The following KAZN variants were observed in gnomAD, a reference collection of about 807,000 sequenced individuals.
The protein encoded by KAZN is kazrin.
Under a neutral mutation model 87.4 loss-of-function variants are expected in KAZN, and 40 were observed. The observed-to-expected ratio is 0.46, with a 90% CI of 0.36 to 0.60. The LOEUF (loss-of-function observed/expected upper bound fraction) is 0.60, where lower values mean the gene tolerates loss of function less well. Ranked by LOEUF, KAZN falls within the 20% of genes least tolerant of loss-of-function variation. The pLI is 0.00. For synonymous variants in KAZN, 466 were observed against 458.3 expected (o/e 1.02, Z -0.22); for missense variants, 898 against 1,073.9 (o/e 0.84, Z 2.29).
chr1:14,450,581 C>T (rs1667217618), intron 2 of KAZN, among the ~76,000 whole-genome samples: 1 of 152,094 alleles, frequency 6.6e-6, no homozygotes, highest in South Asian at 2.1e-4. Context: ...CAGAACAAGA[C>T]TCCACCTCAA....
chr1:14,500,766 A>G (rs554212577), intron 2 of KAZN, among the ~76,000 whole-genome samples: 1 of 152,292 alleles, frequency 6.6e-6, no homozygotes, highest in South Asian at 2.1e-4. Context: ...TACCTACCTC[A>G]TAAAATAAAA....
intron 1 of KAZN, among the ~76,000 whole-genome samples, chr1:13,931,700 G>A (rs779105971): frequency 3.3e-5 from 5 of 151,978 alleles, no homozygotes; most frequent in Non-Finnish European, 7.4e-5. Context: ...TGTGTATTTG[G>A]CCCCTAGTAT....
intron 1 of KAZN, among the ~76,000 whole-genome samples, chr1:14,097,613 G>T (rs1231924197): frequency 2.6e-5 from 4 of 151,962 alleles, no homozygotes; most frequent in Admixed American, 1.3e-4. Context: ...TATGTGAGGG[G>T]TGTGTGTGTG....
intron 1 of KAZN, among the ~76,000 whole-genome samples, chr1:14,659,439 T>C (rs950750485): frequency 1.3e-5 from 2 of 151,960 alleles, no homozygotes; most frequent in African/African-American, 4.8e-5. Flanking sequence ...ATTGGGAAGA[T>C]AAGGGAATAA....
intron 2 of KAZN, among the ~76,000 whole-genome samples, chr1:14,393,383 A>G (rs1662620525): frequency 6.6e-6 from 1 of 152,234 alleles, no homozygotes; most frequent in African/African-American, 2.4e-5. Flanking sequence ...AGCAAGAATA[A>G]AAGCATAAAA....
intron 2 of KAZN, among the ~76,000 whole-genome samples, chr1:14,500,238 G>A (rs987449298): frequency 6.6e-6 from 1 of 152,124 alleles, no homozygotes; most frequent in Non-Finnish European, 1.5e-5. Context: ...TCCCCTGGGA[G>A]AGTCATATCC....
intron 1 of KAZN, among the ~76,000 whole-genome samples, chr1:14,912,950 T>C (rs1247953421): frequency 6.6e-6 from 1 of 152,172 alleles, no homozygotes; most frequent in Non-Finnish European, 1.5e-5. Context: ...AACGAGCCAA[T>C]GCCAGTCATA....
intron 2 of KAZN, among the ~76,000 whole-genome samples, chr1:14,399,039 G>C (rs1233602463): frequency 6.6e-6 from 1 of 152,070 alleles, no homozygotes; most frequent in African/African-American, 2.4e-5. Context: ...GATTTTGTTT[G>C]TTTTGAGACA....
intron 1 of KAZN, among the ~76,000 whole-genome samples, chr1:14,860,465 T>C (rs1650707714): frequency 6.6e-6 from 1 of 152,172 alleles, no homozygotes; most frequent in African/African-American, 2.4e-5. Flanking sequence ...CTGCTGGGAT[T>C]ATTACAGGCA....
At chr1:14,411,369 A>T (rs555900545) in intron 2 of KAZN, among the ~76,000 whole-genome samples, 124 of 152,354 alleles carry the variant, frequency 8.1e-4, no homozygotes, top group Non-Finnish European at 1.1e-3. Flanking sequence ...ATCACAGCTC[A>T]GTGTAACCTC....
intron 2 of KAZN, among the ~76,000 whole-genome samples, chr1:14,388,049 A>G (rs994506203): frequency 6.6e-6 from 1 of 152,240 alleles, no homozygotes; most frequent in African/African-American, 2.4e-5. Flanking sequence ...GGAAAAGCGC[A>G]GTATTCGGGT....
intron 1 of KAZN, among the ~76,000 whole-genome samples, chr1:14,883,352 A>AGGG (rs1653612274): frequency 6.4e-5 from 2 of 31,026 alleles, no homozygotes; most frequent in Admixed American, 4.5e-4. Context: ...GAAAGAAAGA[A>AGGG]AGAAAAGAAA....
At chr1:15,092,060 G>GTTTTTTTTTTTGTTTTTTTTTT (rs1640562777) in intron 8 of KAZN, among the ~76,000 whole-genome samples, 1 of 114,448 alleles carries the variant, frequency 8.7e-6, no homozygotes, top group African/African-American at 3.3e-5. Flanking sequence ...TTGTTTTTTT[G>GTTTTTTTTTTTGTTTTTTTTTT]TTTTTTTTTT....
chr1:14,965,979 TTTC>T (rs1664412293), intron 2 of KAZN, among the ~76,000 whole-genome samples: 1 of 118,250 alleles, frequency 8.5e-6, no homozygotes, highest in African/African-American at 4.1e-5. Flanking sequence ...TTCCTTTCCT[TTTC>T]TTTTTTTTTT....
chr1:14,222,845 A>G (rs1166825494), intron 2 of KAZN, among the ~76,000 whole-genome samples: 1 of 152,182 alleles, frequency 6.6e-6, no homozygotes, highest in Non-Finnish European at 1.5e-5. Flanking sequence ...ATTATGATGA[A>G]TAGGTATCTC....
chr1:14,867,561 C>T (rs1409740924), intron 1 of KAZN, among the ~76,000 whole-genome samples: 2 of 152,162 alleles, frequency 1.3e-5, no homozygotes, highest in Non-Finnish European at 2.9e-5. Context: ...GCTTCCATCT[C>T]GCAAGGACGC....
intron 2 of KAZN, among the ~76,000 whole-genome samples, chr1:14,242,481 T>A (rs1245357924): frequency 6.6e-6 from 1 of 152,156 alleles, no homozygotes; most frequent in African/African-American, 2.4e-5. Flanking sequence ...ACATATGTAT[T>A]TGAACAACAA....
chr1:14,270,184 T>C (rs747512147), intron 2 of KAZN, among the ~76,000 whole-genome samples: 1 of 152,198 alleles, frequency 6.6e-6, no homozygotes, highest in Non-Finnish European at 1.5e-5. Context: ...TGGACTAGCT[T>C]GAAGCATGTG....
At chr1:14,112,673 G>A (rs1024009263) in intron 1 of KAZN, among the ~76,000 whole-genome samples, 2 of 152,184 alleles carry the variant, frequency 1.3e-5, no homozygotes, top group African/African-American at 4.8e-5. Flanking sequence ...ATAATCACAT[G>A]AGTCCTTTCA....
Sources: gnomAD v4.1 joint callset for allele counts (sites outside exome capture counted in the v4.1 genomes callset) on GRCh38, gnomAD v4.1.1 for gene constraint, MANE v1.5 for transcripts, NCBI Gene and HGNC (gene_info 2026-07-23, HGNC 2026-07-21) for gene names.